Variants in GLCE observed in about 807,000 individuals in gnomAD.
GLCE encodes glucuronic acid epimerase, also known as D-glucuronyl C5-epimerase.
Under a neutral mutation model 47.9 loss-of-function variants are expected in GLCE, and 19 were observed. That is an observed-to-expected ratio of 0.40 (90% CI 0.28 to 0.58). GLCE has a LOEUF of 0.58. GLCE is among the 20% of genes least tolerant of loss of function. The pLI is 0.48. For missense variants in GLCE, 556 were observed against 743.3 expected, an observed-to-expected ratio of 0.75 and a Z score of 2.93; for synonymous variants, 245 against 263.4, an observed-to-expected ratio of 0.93 and a Z score of 0.68.
chr15:69,179,649 A>G (rs1310488896), intron 1 of GLCE, among the ~76,000 whole-genome samples: 1 of 152,186 alleles, frequency 6.6e-6, no homozygotes, highest in African/African-American at 2.4e-5. Flanking sequence ...ATATAGTTTT[A>G]TAGGGGAGAT....
chr15:69,235,048 A>G (rs745593792), intron 2 of GLCE, among the ~76,000 whole-genome samples: 3 of 150,302 alleles, frequency 2.0e-5, no homozygotes, highest in Non-Finnish European at 4.4e-5. Flanking sequence ...TGTTTAACAA[A>G]TATTTGTTGA....
At chr15:69,220,625 G>A (rs1164919587) in intron 2 of GLCE, among the ~76,000 whole-genome samples, 1 of 151,942 alleles carries the variant, frequency 6.6e-6, no homozygotes, top group Non-Finnish European at 1.5e-5. Context: ...TTTTGAATTC[G>A]GTCGTTTGCT....
chr15:69,262,551 G>A (rs562660347), intron 4 of GLCE, among the ~76,000 whole-genome samples: 5 of 152,252 alleles, frequency 3.3e-5, no homozygotes, highest in African/African-American at 1.2e-4. Flanking sequence ...CTCCTTGAGT[G>A]TTTGGAAGGT....
At chr15:69,189,245 G>A (rs1255881263) in intron 1 of GLCE, among the ~76,000 whole-genome samples, 1 of 152,080 alleles carries the variant, frequency 6.6e-6, no homozygotes, top group African/African-American at 2.4e-5. Flanking sequence ...TCTCTCCATA[G>A]TCTTTGCCTT....
chr15:69,229,723 A>C (rs933356799), intron 2 of GLCE, among the ~76,000 whole-genome samples: 8 of 152,108 alleles, frequency 5.3e-5, no homozygotes, highest in Non-Finnish European at 1.0e-4. Context: ...AAGAAAAAAA[A>C]ATGACAAAGA....
chr15:69,238,909 A>ACCCACAGAT (rs2052628823), intron 2 of GLCE, among the ~76,000 whole-genome samples: 1 of 152,234 alleles, frequency 6.6e-6, no homozygotes, highest in Non-Finnish European at 1.5e-5. Context: ...AGAGAAAAAT[A>ACCCACAGAT]CCCACAGATT....
chr15:69,162,402 A>G (rs1054675325), intron 1 of GLCE, among the ~76,000 whole-genome samples: 2 of 152,134 alleles, frequency 1.3e-5, no homozygotes, highest in South Asian at 2.1e-4. Flanking sequence ...AGAGGCCTGT[A>G]TATGAAAGTT....
intron 1 of GLCE, among the ~76,000 whole-genome samples, chr15:69,167,144 A>G (rs2051515771): frequency 6.6e-6 from 1 of 152,146 alleles, no homozygotes; most frequent in South Asian, 2.1e-4. Flanking sequence ...TGAACCCGGG[A>G]CGCAGAGGTT....
intron 1 of GLCE, among the ~76,000 whole-genome samples, chr15:69,180,944 T>TAGGG (rs1652057735): frequency 6.6e-6 from 1 of 152,156 alleles, no homozygotes; most frequent in Admixed American, 6.6e-5. Context: ...AGGAGACTGT[T>TAGGG]GCAGTAATTC....
chr15:69,238,629 G>A (rs2052624367), intron 2 of GLCE, among the ~76,000 whole-genome samples: 2 of 152,242 alleles, frequency 1.3e-5, no homozygotes, highest in Non-Finnish European at 1.5e-5. Context: ...ATAAATGAGA[G>A]TAGCAGGGTT....
chr15:69,180,543 T>C (rs938499717), intron 1 of GLCE, among the ~76,000 whole-genome samples: 1 of 152,170 alleles, frequency 6.6e-6, no homozygotes, highest in Non-Finnish European at 1.5e-5. Context: ...TTAAATAACA[T>C]GAAGACAGTC....
intron 3 of GLCE, among the ~76,000 whole-genome samples, chr15:69,260,508 C>A (rs2052998991): frequency 6.6e-6 from 1 of 152,248 alleles, no homozygotes; most frequent in East Asian, 1.9e-4. Flanking sequence ...AGTCCACCCA[C>A]CTTGGCCTCC....
chr15:69,264,787 C>T (rs569617716), intron 4 of GLCE, among the ~76,000 whole-genome samples: 3 of 152,206 alleles, frequency 2.0e-5, no homozygotes, highest in South Asian at 2.1e-4. Context: ...TTATTTCCCT[C>T]GTGATTAATG....
intron 1 of GLCE, among the ~76,000 whole-genome samples, chr15:69,200,987 A>G (rs2052069763): frequency 6.6e-6 from 1 of 151,918 alleles, no homozygotes; most frequent in Non-Finnish European, 1.5e-5. Flanking sequence ...CCTACATTCC[A>G]CCCTCGTTCC....
chr15:69,226,942 G>A (rs1489986329), intron 2 of GLCE, among the ~76,000 whole-genome samples: 8 of 151,458 alleles, frequency 5.3e-5, no homozygotes, highest in African/African-American at 1.5e-4. Flanking sequence ...ATAGGGTTTC[G>A]CCATGTTGGC....
intron 1 of GLCE, among the ~76,000 whole-genome samples, chr15:69,172,324 G>A (rs2051600968): frequency 6.6e-6 from 1 of 152,186 alleles, no homozygotes. Flanking sequence ...AACAAAAGAA[G>A]GCACTGATCA....
At chr15:69,211,157 T>C (rs2140375661) in intron 2 of GLCE, among the ~76,000 whole-genome samples, 1 of 152,218 alleles carries the variant, frequency 6.6e-6, no homozygotes, top group South Asian at 2.1e-4. Context: ...TCTGAAGTAA[T>C]TGATTTTTAA....
intron 1 of GLCE, among the ~76,000 whole-genome samples, chr15:69,162,123 C>G (rs2140318841): frequency 6.6e-6 from 1 of 152,180 alleles, no homozygotes; most frequent in African/African-American, 2.4e-5. Context: ...TTTGAAATCC[C>G]AAAGCTAGAA....
chr15:69,169,576 A>G (rs574442121), intron 1 of GLCE, among the ~76,000 whole-genome samples: 2 of 124,218 alleles, frequency 1.6e-5, no homozygotes, highest in East Asian at 5.7e-4. Flanking sequence ...CTTGTGTGTG[A>G]TGTTCCCCTT....
Sources: allele counts gnomAD v4.1 joint callset (sites outside exome capture counted in the v4.1 genomes callset), GRCh38; gene constraint gnomAD v4.1.1; transcripts MANE v1.5; gene names NCBI Gene and HGNC (gene_info 2026-07-23, HGNC 2026-07-21).